Variants in CNTN4 observed in about 807,000 individuals in gnomAD.
The protein encoded by CNTN4 is contactin 4.
A neutral mutation model predicts 122.5 loss-of-function variants in CNTN4; 77 were observed. The ratio of observed to expected loss-of-function variants is 0.63; its 90% CI spans 0.52 to 0.76. The LOEUF (loss-of-function observed/expected upper bound fraction) is 0.76. CNTN4 is among the 30% of genes least tolerant of loss of function. CNTN4 has a pLI of 0.00. For synonymous variants in CNTN4, 512 were observed against 447.0 expected (o/e 1.15, Z -1.83); for missense variants, 1,256 against 1,259.1 (o/e 1.00, Z 0.04).
chr3:2,759,195 G>A (rs2090474096), intron 6 of CNTN4, among the ~76,000 whole-genome samples: 1 of 151,728 alleles, frequency 6.6e-6, no homozygotes, highest in Admixed American at 6.6e-5. Flanking sequence ...TGCTCTTGTT[G>A]CCCAGGCTGG....
chr3:2,759,249 G>A lies in CNTN4; in HGVS notation c.358+13552G>A, dbSNP rs565406976. Among the ~76,000 whole-genome samples, 84 of 151,992 alleles carry A rather than the reference G, an allele frequency of 5.5e-4. 2 individuals are homozygous for A. The highest frequency in any genetic ancestry group is 3.2e-4 in the Non-Finnish European group (22 of 67,982). On this transcript the variant is annotated intron_variant, in intron 6 of 24. Coordinates refer to ENST00000418658, the MANE Select transcript of CNTN4 (RefSeq NM_175607.3). ...CAGCTCACTGCAACCTCTGCCTCCC[G>A]GCTTCAAGCTATTCTCCTGCCTCAG...
intron 3 of CNTN4, among the ~76,000 whole-genome samples, chr3:2,391,055 A>G (rs11924500): frequency 0.019 from 2,874 of 152,304 alleles, 80 homozygotes; most frequent in African/African-American, 0.065. Context: ...CTGGACTGTA[A>G]TGGGGAACCA....
chr3:2,933,417 C>G (rs2094541869), intron 13 of CNTN4, among the ~76,000 whole-genome samples: 4 of 152,038 alleles, frequency 2.6e-5, no homozygotes, highest in Admixed American at 2.6e-4. Flanking sequence ...TGGGGAGATA[C>G]GTGGCCTTCT....
At chr3:2,574,362 A>T (rs2079564793) in intron 4 of CNTN4, among the ~76,000 whole-genome samples, 1 of 152,178 alleles carries the variant, frequency 6.6e-6, no homozygotes, top group African/African-American at 2.4e-5. Context: ...TATGTTTACC[A>T]TAATTAGTGA....
At chr3:2,545,756 G>C (rs1034304670) in intron 3 of CNTN4, among the ~76,000 whole-genome samples, 1 of 151,718 alleles carries the variant, frequency 6.6e-6, no homozygotes, top group Non-Finnish European at 1.5e-5. Flanking sequence ...GAGCCTGTGA[G>C]TGTTATCGCA....
rs116004896 is a variant in CNTN4 at position 2,662,789 on chromosome 3, G to A, written c.56-73426G>A. On this transcript the variant is annotated intron_variant, in intron 4 of 24. Coordinates refer to ENST00000418658, the MANE Select transcript of CNTN4 (RefSeq NM_175607.3). ...TATGGCAAGAGTAGAGACCACCTGC[G>A]GAAGAGTGTAGGAGACAGGATGGCT... is the stretch of plus-strand genomic sequence containing the variant. 3.8e-3 allele frequency among the ~76,000 whole-genome samples: 578 copies of A among 152,248 alleles called. 3 individuals carry two copies. Among genetic ancestry groups the A allele is most frequent in the African/African-American group, 0.013 (559 of 41,542 alleles).
At chr3:2,560,500 T>C (rs1402960239) in intron 3 of CNTN4, among the ~76,000 whole-genome samples, 3 of 152,214 alleles carry the variant, frequency 2.0e-5, no homozygotes, top group Admixed American at 6.5e-5. Context: ...ACAACACTTA[T>C]ATTATGTTCC....
Position 2,225,285 on chromosome 3 carries a change from C to T in CNTN4, c.-144-113893C>T, listed in dbSNP as rs543783276. Reference sequence around the variant, plus strand: ...ATCCCAGCATTTTGGGAGGCCGAGGCGGGTGGATCACGAGGTCAGGAGTTC... The same window carrying T: ...ATCCCAGCATTTTGGGAGGCCGAGGTGGGTGGATCACGAGGTCAGGAGTTC... On this transcript the variant is annotated intron_variant, in intron 2 of 24. Transcript: ENST00000418658. Among the ~76,000 whole-genome samples, 321 of 151,712 alleles carry T rather than the reference C, an allele frequency of 2.1e-3. 2 individuals carry two copies. The highest frequency in any genetic ancestry group is 7.4e-3 in the African/African-American group (305 of 41,348).
At chr3:2,948,364 A>G (rs776152452) in intron 13 of CNTN4, among the ~76,000 whole-genome samples, 8 of 152,182 alleles carry the variant, frequency 5.3e-5, no homozygotes, top group Non-Finnish European at 1.2e-4. Context: ...GGAACAAATA[A>G]AATAGTAAAA....
intron 4 of CNTN4, among the ~76,000 whole-genome samples, chr3:2,632,343 C>A (rs1044509463): frequency 6.6e-6 from 1 of 152,032 alleles, no homozygotes; most frequent in Non-Finnish European, 1.5e-5. Context: ...TCGGTAAACC[C>A]AACACTTCTG....
chr3:2,699,315 C>G (rs146759630), intron 4 of CNTN4, among the ~76,000 whole-genome samples: 4 of 152,188 alleles, frequency 2.6e-5, no homozygotes, highest in African/African-American at 7.2e-5. Context: ...AGTCTGTCTC[C>G]TAGGCACCTG....
chr3:2,793,979 A>G (rs1038169180), intron 6 of CNTN4, among the ~76,000 whole-genome samples: 5 of 152,152 alleles, frequency 3.3e-5, no homozygotes, highest in African/African-American at 1.2e-4. Context: ...AGTTGGAAAT[A>G]CCAAATGAAA....
intron 3 of CNTN4, among the ~76,000 whole-genome samples, chr3:2,415,477 C>A (rs2047378309): frequency 2.0e-5 from 3 of 151,922 alleles, no homozygotes; most frequent in Admixed American, 2.0e-4. Context: ...TTGTTGGGTG[C>A]CTTTAAAAAG....
At chr3:2,822,532 G>A (rs886982889) in intron 7 of CNTN4, among the ~76,000 whole-genome samples, 2 of 152,074 alleles carry the variant, frequency 1.3e-5, no homozygotes, top group African/African-American at 4.8e-5. Context: ...TTTTAATATG[G>A]AATCTGATCA....
intron 3 of CNTN4, among the ~76,000 whole-genome samples, chr3:2,551,215 G>A (rs902993904): frequency 6.6e-6 from 1 of 152,084 alleles, no homozygotes. Flanking sequence ...CCAGAGAAAG[G>A]TATCACTTAA....
intron 3 of CNTN4, among the ~76,000 whole-genome samples, chr3:2,567,572 C>G (rs2149469009): frequency 6.6e-6 from 1 of 152,318 alleles, no homozygotes; most frequent in African/African-American, 2.4e-5. Flanking sequence ...TCCATGCATT[C>G]TCACTAATCC....
intron 3 of CNTN4, among the ~76,000 whole-genome samples, chr3:2,526,423 A>C (rs565631207): frequency 7.9e-5 from 12 of 152,270 alleles, no homozygotes; most frequent in African/African-American, 2.2e-4. Flanking sequence ...AATCATAGCC[A>C]TTCCTAGTAT....
chr3:2,722,735 C>G (rs17019404), intron 4 of CNTN4, among the ~76,000 whole-genome samples: 21,642 of 152,192 alleles, frequency 0.14, 2,104 homozygotes, highest in East Asian at 0.4. Context: ...GTGCATGCCA[C>G]TTTACCTTAT....
intron 13 of CNTN4, among the ~76,000 whole-genome samples, chr3:2,934,153 T>C (rs1327099640): frequency 1.3e-5 from 2 of 152,240 alleles, no homozygotes; most frequent in Non-Finnish European, 1.5e-5. Context: ...TTTAGGCCAC[T>C]GTGGACCAGT....
Sources: gnomAD v4.1 joint callset for allele counts (sites outside exome capture counted in the v4.1 genomes callset) on GRCh38, gnomAD v4.1.1 for gene constraint, MANE v1.5 for transcripts, NCBI Gene and HGNC (gene_info 2026-07-23, HGNC 2026-07-21) for gene names.